The following TCF12 variants were observed in gnomAD, a reference collection of about 807,000 sequenced individuals.
TCF12 encodes transcription factor 12.
In TCF12, 45 loss-of-function variants were observed where a neutral mutation model predicts 86.0. That is an observed-to-expected ratio of 0.52 (90% confidence interval 0.41 to 0.67). The LOEUF (loss-of-function observed/expected upper bound fraction) is 0.67. Among genes scored for constraint, TCF12 ranks in the 30% least tolerant of loss-of-function variants. The probability of loss-of-function intolerance (pLI) is 0.00; values close to 1 mark genes in which losing one functional copy is unlikely to be tolerated. For missense variants in TCF12, 881 were observed against 859.9 expected (o/e 1.02, Z -0.31); for synonymous variants, 330 against 299.6 (o/e 1.10, Z -1.05).
At chr15:57,011,852 A>G (rs1416015159) in intron 3 of TCF12, among the ~76,000 whole-genome samples, 1 of 152,166 alleles carries the variant, frequency 6.6e-6, no homozygotes, top group African/African-American at 2.4e-5. Context: ...GTATTTTATG[A>G]TTTCAAGGGC....
In TCF12 at chr15:57,259,102, G is replaced by A. The variant is rs550028275; in HGVS notation, c.1468-2992G>A. On this transcript the variant is annotated intron_variant, in intron 16 of 20. Transcript: ENST00000333725. ...TTTTTTAAATTTTTATTTTTATTAA[G>A]ACGACATTATAGTGCTTTTTTAAGG... 3.9e-5 allele frequency among the ~76,000 whole-genome samples: 6 copies of A among 152,004 alleles called. No individual in the cohort carries two copies. In the South Asian group the frequency reaches 1.2e-3, roughly 32 times the overall value.
intron 7 of TCF12, among the ~76,000 whole-genome samples, chr15:57,196,040 A>G (rs2057247193): frequency 1.3e-5 from 2 of 152,084 alleles, no homozygotes; most frequent in African/African-American, 4.8e-5. Context: ...GTTTTATTGT[A>G]TAGTGTCATT....
At chr15:57,088,829 G>A (rs1026362768) in intron 4 of TCF12, among the ~76,000 whole-genome samples, 1 of 152,030 alleles carries the variant, frequency 6.6e-6, no homozygotes, top group Non-Finnish European at 1.5e-5. Flanking sequence ...AAGCATTGCT[G>A]TAGGTATCGG....
chr15:56,950,853 T>C (rs1451835172), intron 3 of TCF12, among the ~76,000 whole-genome samples: 1 of 147,850 alleles, frequency 6.8e-6, no homozygotes, highest in Non-Finnish European at 1.5e-5. Context: ...TCCTCCCAGG[T>C]TCAAGCGATT....
chr15:56,932,117 A>G (rs1303397000), intron 3 of TCF12, among the ~76,000 whole-genome samples: 2 of 152,200 alleles, frequency 1.3e-5, no homozygotes, highest in Non-Finnish European at 2.9e-5. Flanking sequence ...GACTTGCCAA[A>G]TAAGTTATAA....
At chr15:57,260,253 T>C (rs2060527838) in intron 16 of TCF12, among the ~76,000 whole-genome samples, 1 of 152,156 alleles carries the variant, frequency 6.6e-6, no homozygotes, top group Non-Finnish European at 1.5e-5. Flanking sequence ...AGATTTATTA[T>C]TTAGGTAATG....
At chr15:57,234,518 C>A (rs2059302569) in intron 12 of TCF12, among the ~76,000 whole-genome samples, 1 of 152,012 alleles carries the variant, frequency 6.6e-6, no homozygotes, top group Admixed American at 6.6e-5. Flanking sequence ...AAGTCAACTG[C>A]ACCTGATTTA....
At chr15:56,964,366 G>A (rs12439165) in intron 3 of TCF12, among the ~76,000 whole-genome samples, 6,138 of 152,252 alleles carry the variant, frequency 0.04, 370 homozygotes, top group Admixed American at 0.17. Context: ...CAGACTCTGT[G>A]ATCTGCCTGC....
chr15:57,213,402 G>A (rs897495674), intron 8 of TCF12, among the ~76,000 whole-genome samples: 3 of 152,032 alleles, frequency 2.0e-5, no homozygotes, highest in African/African-American at 4.8e-5. Flanking sequence ...GGATGTTTTG[G>A]TAGACTCAAC....
At chr15:57,082,685 A>T (rs1243262752) in intron 4 of TCF12, among the ~76,000 whole-genome samples, 1 of 152,188 alleles carries the variant, frequency 6.6e-6, no homozygotes, top group Admixed American at 6.5e-5. Context: ...AGCTTTCATG[A>T]TGCAGCAAGA....
intron 3 of TCF12, among the ~76,000 whole-genome samples, chr15:56,991,746 A>G (rs551199074): frequency 6.6e-6 from 1 of 152,272 alleles, no homozygotes; most frequent in Non-Finnish European, 1.5e-5. Context: ...ATTCCTTCCA[A>G]ATACTCTTCT....
chr15:57,025,033 A>G (rs919111197), intron 3 of TCF12, among the ~76,000 whole-genome samples: 3 of 152,128 alleles, frequency 2.0e-5, no homozygotes, highest in Admixed American at 6.5e-5. Flanking sequence ...AACAGCACCT[A>G]AATTCAAATC....
At chr15:57,078,459 T>C (rs2070333206) in intron 4 of TCF12, among the ~76,000 whole-genome samples, 1 of 152,198 alleles carries the variant, frequency 6.6e-6, no homozygotes, top group African/African-American at 2.4e-5. Context: ...TAATATATTT[T>C]CAGATAATGT....
At chr15:57,170,337 C>G (rs1359994334) in intron 6 of TCF12, among the ~76,000 whole-genome samples, 1 of 150,944 alleles carries the variant, frequency 6.6e-6, no homozygotes, top group Non-Finnish European at 1.5e-5. Flanking sequence ...GTGGCGCTCA[C>G]AAGACCTCCT....
At chr15:57,090,006 C>T (rs1221639923) in intron 4 of TCF12, among the ~76,000 whole-genome samples, 1 of 152,014 alleles carries the variant, frequency 6.6e-6, no homozygotes, top group Non-Finnish European at 1.5e-5. Flanking sequence ...CTTGAGCCCA[C>T]GAGTTTGAGA....
chr15:57,227,203 T>C (rs2058928159), intron 8 of TCF12, among the ~76,000 whole-genome samples: 1 of 152,150 alleles, frequency 6.6e-6, no homozygotes, highest in Admixed American at 6.5e-5. Context: ...AGAAAAACTA[T>C]CTTCTTTAGC....
intron 7 of TCF12, among the ~76,000 whole-genome samples, chr15:57,193,382 T>C (rs2057084441): frequency 6.6e-6 from 1 of 152,216 alleles, no homozygotes; most frequent in Non-Finnish European, 1.5e-5. Context: ...AAGCAAACTT[T>C]GTTCATATGA....
At chr15:57,231,072 T>G (rs2059116707) in intron 8 of TCF12, 80 bp from the exon 9 acceptor site, 3 of 1,106,022 alleles carry the variant, frequency 2.7e-6, no homozygotes, top group Non-Finnish European at 4.0e-6. Flanking sequence ...TTTAAGCCCC[T>G]TACAGAATAT....
At chr15:57,129,435 C>G (rs1419709254) in intron 5 of TCF12, among the ~76,000 whole-genome samples, 1 of 152,132 alleles carries the variant, frequency 6.6e-6, no homozygotes, top group African/African-American at 2.4e-5. Context: ...ACCTGTAGTC[C>G]CAGCTACTTG....
Sources: allele counts gnomAD v4.1 joint callset (sites outside exome capture counted in the v4.1 genomes callset), GRCh38; gene constraint gnomAD v4.1.1; transcripts MANE v1.5; gene names NCBI Gene and HGNC (gene_info 2026-07-23, HGNC 2026-07-21).